Variants in CADPS observed in about 807,000 individuals in gnomAD.
CADPS encodes calcium-dependent secretion activator 1.
A neutral mutation model predicts 167.3 loss-of-function variants in CADPS; 57 were observed. The observed-to-expected ratio is 0.34, with a 90% confidence interval of 0.28 to 0.42. The LOEUF is 0.42. Ranked by LOEUF, CADPS falls within the 20% of genes least tolerant of loss-of-function variation. The probability of loss-of-function intolerance (pLI) is 1.00; values close to 1 mark genes in which losing one functional copy is unlikely to be tolerated. For missense variants in CADPS, 1,414 were observed against 1,738.1 expected (o/e 0.81, Z 3.32); for synonymous variants, 676 against 635.3 (o/e 1.06, Z -0.96).
rs1373996485 is a variant in CADPS, at chr3:62,421,478, T to C, written c.3777+16626A>G. On this transcript the variant is annotated intron_variant, in intron 28 of 29. Transcript: ENST00000383710. This position sits in a 1 kb window ranked among gnomAD's most constrained non-coding sequence, Gnocchi z 4.7. ...AAAGGCGGAACTGCGCCGTGCAGCT[T>C]ATCCGCATGCACCCACAGCAGCTGT... 6.6e-6 allele frequency among the ~76,000 whole-genome samples: 1 copy of C among 152,226 alleles called. No individual in the cohort carries two copies. Among genetic ancestry groups the C allele is most frequent in the African/African-American group, 2.4e-5 (1 of 41,450 alleles).
At chr3:62,684,698 T>C (rs1459153585) in intron 3 of CADPS, among the ~76,000 whole-genome samples, 1 of 151,998 alleles carries the variant, frequency 6.6e-6, no homozygotes, top group Non-Finnish European at 1.5e-5. Context: ...TCTACACACT[T>C]TGGGGAAAGC....
At chr3:62,479,013 A>T (rs534959114) in intron 22 of CADPS, among the ~76,000 whole-genome samples, 1 of 152,326 alleles carries the variant, frequency 6.6e-6, no homozygotes, top group South Asian at 2.1e-4. Context: ...ATTCTAGTTC[A>T]GTTTGGTTAC....
intron 1 of CADPS, among the ~76,000 whole-genome samples, chr3:62,832,858 G>T (rs1381318395): frequency 2.6e-5 from 4 of 152,206 alleles, no homozygotes; most frequent in Non-Finnish European, 5.9e-5. Flanking sequence ...CAGAGAAGAA[G>T]GGGGCCATCT....
intron 3 of CADPS, among the ~76,000 whole-genome samples, chr3:62,740,731 A>C (rs369293920): frequency 7.2e-5 from 11 of 152,162 alleles, no homozygotes; most frequent in African/African-American, 2.7e-4. Context: ...GCCACTAACT[A>C]CCATCACCAA....
chr3:62,583,269 A>C (rs1190536925), intron 8 of CADPS, among the ~76,000 whole-genome samples: 1 of 151,514 alleles, frequency 6.6e-6, no homozygotes, highest in Non-Finnish European at 1.5e-5. Flanking sequence ...GATTTTGCTA[A>C]AGATGAAGAT....
intron 3 of CADPS, among the ~76,000 whole-genome samples, chr3:62,682,945 G>C (rs2077385352): frequency 6.6e-6 from 1 of 152,078 alleles, no homozygotes; most frequent in Non-Finnish European, 1.5e-5. Context: ...CTTGAATTAG[G>C]AACTAAAGAT....
At chr3:62,645,680 A>C (rs943428914) in intron 6 of CADPS, 42 bp downstream of exon 6, 1 of 1,608,946 alleles carries the variant, frequency 6.2e-7, no homozygotes, top group African/African-American at 1.3e-5. Flanking sequence ...AACTAATGGC[A>C]GCAACCCTCT....
chr3:62,866,284 T>C (rs1320234185), intron 1 of CADPS, among the ~76,000 whole-genome samples: 1 of 152,058 alleles, frequency 6.6e-6, no homozygotes, highest in Non-Finnish European at 1.5e-5. Context: ...TTTATAAAAG[T>C]AAAAATTATA....
intron 6 of CADPS, among the ~76,000 whole-genome samples, chr3:62,597,532 T>A (rs1357473549): frequency 6.6e-6 from 1 of 152,194 alleles, no homozygotes; most frequent in Non-Finnish European, 1.5e-5. Flanking sequence ...GTTTCCATGC[T>A]ACTGTCCTCA....
chr3:62,794,432 A>G lies in CADPS; in HGVS notation c.442-28448T>C, dbSNP rs148709317. 1.3e-3 allele frequency among the ~76,000 whole-genome samples: 197 copies of G among 152,322 alleles called. 1 individual carries two copies. Among genetic ancestry groups the G allele is most frequent in the African/African-American group, 4.4e-3 (184 of 41,568 alleles). On this transcript the variant is annotated intron_variant, in intron 1 of 29. Transcript: ENST00000383710. ...CCCTGTCTCCACTATACAGATGAGG[A>G]TATAAATACACATATATTTAGTAAC...
intron 1 of CADPS, among the ~76,000 whole-genome samples, chr3:62,795,636 C>T (rs549242981): frequency 6.6e-6 from 1 of 152,214 alleles, no homozygotes; most frequent in South Asian, 2.1e-4. Context: ...TCATTGAGTG[C>T]CCACAAAGTG....
chr3:62,521,830 C>T (rs2070684601), intron 13 of CADPS, among the ~76,000 whole-genome samples: 1 of 152,162 alleles, frequency 6.6e-6, no homozygotes, highest in Non-Finnish European at 1.5e-5. Context: ...GGTGCCTATT[C>T]CCCTACTATT....
At chr3:62,680,673 C>T (rs938583095) in intron 3 of CADPS, among the ~76,000 whole-genome samples, 1 of 152,016 alleles carries the variant, frequency 6.6e-6, no homozygotes, top group African/African-American at 2.4e-5. Flanking sequence ...GCAGATTGAT[C>T]TAAAGCACAC....
chr3:62,699,315 G>A (rs1434102024), intron 3 of CADPS, among the ~76,000 whole-genome samples: 1 of 151,812 alleles, frequency 6.6e-6, no homozygotes, highest in Non-Finnish European at 1.5e-5. Flanking sequence ...GGGATTACCG[G>A]CGTGAGCCAC....
chr3:62,512,070 G>A (rs1014248049), intron 17 of CADPS, among the ~76,000 whole-genome samples: 8 of 152,076 alleles, frequency 5.3e-5, no homozygotes, highest in Admixed American at 5.2e-4. Flanking sequence ...TGTTAATTTG[G>A]ATTAACTGAT....
chr3:62,828,733 A>G (rs1180887441), intron 1 of CADPS, among the ~76,000 whole-genome samples: 2 of 152,044 alleles, frequency 1.3e-5, no homozygotes, highest in Admixed American at 6.6e-5. Context: ...AGCAGATTTA[A>G]AAAAATTATC....
intron 11 of CADPS, among the ~76,000 whole-genome samples, chr3:62,545,854 T>G (rs576785786): frequency 6.6e-6 from 1 of 152,288 alleles, no homozygotes; most frequent in Admixed American, 6.5e-5. Context: ...TCTTTTTCTC[T>G]ACCCCAAAAA....
intron 3 of CADPS, among the ~76,000 whole-genome samples, chr3:62,731,889 G>A (rs750723634): frequency 6.7e-6 from 1 of 148,888 alleles, no homozygotes; most frequent in Non-Finnish European, 1.5e-5. Flanking sequence ...GAAAACAAAA[G>A]GGCGCTGGGC....
intron 1 of CADPS, among the ~76,000 whole-genome samples, chr3:62,863,847 A>C (rs941107778): frequency 6.6e-6 from 1 of 152,210 alleles, no homozygotes; most frequent in Non-Finnish European, 1.5e-5. Context: ...GCTCAGTTAT[A>C]TGGTAGCGCC....
Sources: allele counts gnomAD v4.1 joint callset (sites outside exome capture counted in the v4.1 genomes callset), GRCh38; gene constraint gnomAD v4.1.1; non-coding constraint Gnocchi (gnomAD v3.1); transcripts MANE v1.5; gene names NCBI Gene and HGNC (gene_info 2026-07-23, HGNC 2026-07-21).